Variants in CELF4 observed in about 807,000 individuals in gnomAD.
CELF4 encodes CUGBP Elav-like family member 4.
A neutral mutation model predicts 59.9 loss-of-function variants in CELF4; 18 were observed. The ratio of observed to expected loss-of-function variants is 0.30; its 90% CI spans 0.21 to 0.45. CELF4 has a LOEUF of 0.45. Ranked by LOEUF, CELF4 falls within the 20% of genes least tolerant of loss-of-function variation. The pLI, the probability that CELF4 is intolerant of heterozygous loss-of-function variation, is 1.00. For missense variants in CELF4, 456 were observed against 689.0 expected, an observed-to-expected ratio of 0.66 and a Z score of 3.79; for synonymous variants, 261 against 267.1, an observed-to-expected ratio of 0.98 and a Z score of 0.22.
At chr18:37,353,606 T>C (rs2098505124) in intron 2 of CELF4, among the ~76,000 whole-genome samples, 1 of 133,858 alleles carries the variant, frequency 7.5e-6, no homozygotes, top group South Asian at 2.4e-4. Context: ...TCCATGACAG[T>C]GATGCTTTTG....
chr18:37,380,686 C>T (rs1370756809), intron 2 of CELF4, among the ~76,000 whole-genome samples: 1 of 148,702 alleles, frequency 6.7e-6, no homozygotes, highest in East Asian at 2.1e-4. Flanking sequence ...GTCATCCATC[C>T]ATCCATCCAT....
chr18:37,278,904 C>T (rs1369228371), intron 3 of CELF4, among the ~76,000 whole-genome samples: 3 of 152,202 alleles, frequency 2.0e-5, no homozygotes, highest in East Asian at 1.9e-4. Flanking sequence ...CCTTTCTGTC[C>T]GCTTTCCTGA....
At chr18:37,313,808 C>T (rs902401930) in intron 3 of CELF4, among the ~76,000 whole-genome samples, 8 of 152,228 alleles carry the variant, frequency 5.3e-5, no homozygotes, top group African/African-American at 9.6e-5. Flanking sequence ...AGGATGCAAT[C>T]GGCCACGGGT....
chr18:37,448,065 T>G (rs1168387282), intron 2 of CELF4, among the ~76,000 whole-genome samples: 1 of 152,220 alleles, frequency 6.6e-6, no homozygotes, highest in Non-Finnish European at 1.5e-5. Context: ...GATTCCCAAA[T>G]TAAAATGATC....
intron 3 of CELF4, among the ~76,000 whole-genome samples, chr18:37,306,533 T>A (rs2096412407): frequency 6.6e-6 from 1 of 152,140 alleles, no homozygotes; most frequent in Non-Finnish European, 1.5e-5. Flanking sequence ...GAAAGGAGAT[T>A]TTCTCCTCCT....
At chr18:37,359,030 G>A (rs534571270) in intron 2 of CELF4, among the ~76,000 whole-genome samples, 1 of 152,276 alleles carries the variant, frequency 6.6e-6, no homozygotes, top group South Asian at 2.1e-4. Flanking sequence ...CTCAGGAGGT[G>A]GAGGTTGTAG....
intron 1 of CELF4, among the ~76,000 whole-genome samples, chr18:37,498,294 C>T (rs1270936993): frequency 6.6e-6 from 1 of 150,918 alleles, no homozygotes; most frequent in Non-Finnish European, 1.5e-5. Flanking sequence ...TCCTCTCTTC[C>T]CCTTCCCTTC....
At chr18:37,294,895 C>T (rs2095551103) in intron 3 of CELF4, among the ~76,000 whole-genome samples, 1 of 152,194 alleles carries the variant, frequency 6.6e-6, no homozygotes, top group Non-Finnish European at 1.5e-5. Flanking sequence ...TGAAGACCAG[C>T]CTCTTTGCTA....
intron 1 of CELF4, among the ~76,000 whole-genome samples, chr18:37,506,061 C>T (rs1387288183): frequency 2.0e-5 from 3 of 151,396 alleles, no homozygotes; most frequent in African/African-American, 7.3e-5. Context: ...TGTTTCTCCC[C>T]CCTCCCCTCC....
chr18:37,559,319 T>C (rs1389304299), intron 1 of CELF4, among the ~76,000 whole-genome samples: 2 of 152,082 alleles, frequency 1.3e-5, no homozygotes, highest in African/African-American at 4.8e-5. Flanking sequence ...CACACACACA[T>C]GCTCACTCCA....
At chr18:37,247,620 AACACAC>A (rs140648486) in intron 12 of CELF4, 2 of 151,686 alleles carry the variant, frequency 1.3e-5, no homozygotes, top group African/African-American at 4.8e-5. Flanking sequence ...TGGGCACATC[AACACAC>A]ACACACGCAC....
chr18:37,343,311 T>G (rs2098122735), intron 2 of CELF4, among the ~76,000 whole-genome samples: 1 of 149,094 alleles, frequency 6.7e-6, no homozygotes, highest in Non-Finnish European at 1.5e-5. Context: ...GCCATTGTGT[T>G]GAGAATGGGT....
In CELF4 at chr18:37,377,598, T is replaced by C. The variant is rs548747172; in HGVS notation, c.370-55717A>G. On this transcript the variant is annotated intron_variant, in intron 2 of 12. Transcript: ENST00000420428. ...CTGGGAACACGGTGATGAGAGAACA[T>C]GGAGAACATGAAATGAATGCGCACA... 5.2e-4 allele frequency among the ~76,000 whole-genome samples: 79 copies of C among 152,238 alleles called. No individual in the cohort carries two copies. The Middle Eastern group carries it at 0.01, about 20-fold the overall frequency.
chr18:37,351,770 C>T (rs1208009503), intron 2 of CELF4, among the ~76,000 whole-genome samples: 4 of 151,922 alleles, frequency 2.6e-5, no homozygotes, highest in Non-Finnish European at 4.4e-5. Flanking sequence ...GCCACCACGC[C>T]CTGCTAATGT....
At chr18:37,428,407 G>T (rs746260537) in intron 2 of CELF4, among the ~76,000 whole-genome samples, 4 of 152,142 alleles carry the variant, frequency 2.6e-5, no homozygotes, top group Non-Finnish European at 5.9e-5. Flanking sequence ...TCACATTCCT[G>T]CTCTGGGTCT....
intron 3 of CELF4, chr18:37,276,395 A>G (rs1458103442): frequency 6.6e-6 from 1 of 152,218 alleles, no homozygotes; most frequent in Non-Finnish European, 1.5e-5. Context: ...AGAATGGCAG[A>G]AGTGATGCCA....
Position 37,321,814 on chromosome 18 carries a change from T to C in CELF4, c.437A>G (p.Gln146Arg). ...AAGTGGGCCCTCACGTGAAGGGGGCTGGCGCAGGCAGCTACTACCTCCTCG... is the reference window on the plus strand; with the variant it reads ...AAGTGGGCCCTCACGTGAAGGGGGCCGGCGCAGGCAGCTACTACCTCCTCG... ...ESRGGSSCLR[Q>R]PPSQDRKLFV... Residue 146 changes from glutamine (Q) to arginine (R), a missense_variant, in exon 3 of 13, where the codon CAG (glutamine) becomes CGG (arginine). This residue lies in a region of CELF4 where 63 missense variants were observed against 110.6 expected (regional missense o/e 0.57). Coordinates refer to ENST00000420428, the MANE Select transcript of CELF4 (RefSeq NM_020180.4). 6.2e-7 allele frequency: 1 copy of C among 1,611,684 alleles called. No homozygotes were observed. Among genetic ancestry groups the C allele is most frequent in the Non-Finnish European group, 8.5e-7 (1 of 1,178,806 alleles).
chr18:37,409,536 A>G (rs957633356), intron 2 of CELF4, among the ~76,000 whole-genome samples: 4 of 152,178 alleles, frequency 2.6e-5, no homozygotes, highest in African/African-American at 7.2e-5. Flanking sequence ...ACTCTACGCT[A>G]TTCTGAAAAG....
intron 12 of CELF4, chr18:37,247,082 G>T (rs555377211): frequency 6.6e-6 from 1 of 152,264 alleles, no homozygotes; most frequent in African/African-American, 2.4e-5. Flanking sequence ...TCCAATCACA[G>T]CACCTCCACG....
Sources: gnomAD v4.1 joint callset for allele counts (sites outside exome capture counted in the v4.1 genomes callset) on GRCh38, gnomAD v4.1.1 for gene constraint, gnomAD v4.1.1 regional missense constraint, MANE v1.5 for transcripts, NCBI Gene and HGNC (gene_info 2026-07-23, HGNC 2026-07-21) for gene names.